Variants in GAB2 observed in about 807,000 individuals in gnomAD.
GAB2 encodes the protein GRB2 associated binding protein 2, also known as GRB2-associated-binding protein 2.
GAB2 carries 26 observed loss-of-function variants against 65.5 expected under a neutral mutation model. The observed-to-expected ratio is 0.40, with a 90% CI of 0.29 to 0.55. The LOEUF is 0.55. Ranked by LOEUF, GAB2 falls within the 20% of genes least tolerant of loss-of-function variation. The pLI is 0.53. For missense variants in GAB2, 884 were observed against 875.8 expected, an observed-to-expected ratio of 1.01 and a Z score of -0.12; for synonymous variants, 321 against 329.6, an observed-to-expected ratio of 0.97 and a Z score of 0.28.
chr11:78,246,147 G>A (rs1865291239), intron 3 of GAB2, among the ~76,000 whole-genome samples: 1 of 151,702 alleles, frequency 6.6e-6, no homozygotes, highest in Non-Finnish European at 1.5e-5. Context: ...GGCCAGGCTG[G>A]TCTCGAACTC....
Position 78,223,571 on chromosome 11 carries a change from C to T in GAB2, c.1408G>A (p.Asp470Asn). 1 of 1,613,824 alleles carries T rather than the reference C, an allele frequency of 6.2e-7. No homozygotes were observed. Among genetic ancestry groups the T allele is most frequent in the Non-Finnish European group, 8.5e-7 (1 of 1,179,884 alleles). The change falls in exon 6 of 10, where the codon GAT becomes AAT. Residue 470 changes from aspartate (D) to asparagine (N), a missense_variant. By Grantham distance (23) the Asp-to-Asn change is conservative. Coordinates refer to ENST00000361507, the MANE Select transcript of GAB2 (RefSeq NM_080491.3). ...GGGATGTAGACGCTCTGGGAATTAT[C>T]ACCTGCTCGTTCCATGGCCAACAGG... The part of the protein sequence containing the change: ...STLLAMERAG[D>N]NSQSVYIPMS...
intron 1 of GAB2, among the ~76,000 whole-genome samples, chr11:78,322,797 T>TAAAAA (rs34497179): frequency 8.5e-6 from 1 of 117,834 alleles, no homozygotes; most frequent in African/African-American, 3.1e-5. Context: ...TACTGAAAAG[T>TAAAAA]AAAAAAAAAA....
intron 1 of GAB2, among the ~76,000 whole-genome samples, chr11:78,294,013 C>G (rs559136737): frequency 6.6e-6 from 1 of 152,170 alleles, no homozygotes; most frequent in African/African-American, 2.4e-5. Flanking sequence ...GTGTGCTGCA[C>G]CCAGTAACTC....
At chr11:78,322,298 CAAAAAAAAAAAAAAAA>C (rs56709163) in intron 1 of GAB2, among the ~76,000 whole-genome samples, 1 of 12,064 alleles carries the variant, frequency 8.3e-5, no homozygotes, top group African/African-American at 2.0e-4. Flanking sequence ...GACTCTGTCT[CAAAAAAAAAAAAAAAA>C]AAAAAAAAAA....
chr11:78,339,960 A>G (rs975789655), intron 1 of GAB2, among the ~76,000 whole-genome samples: 1 of 152,202 alleles, frequency 6.6e-6, no homozygotes, highest in Non-Finnish European at 1.5e-5. Context: ...TTTATGGCAA[A>G]TGAGTGCTTT....
chr11:78,304,749 A>C (rs1353429495), intron 1 of GAB2, among the ~76,000 whole-genome samples: 1 of 152,144 alleles, frequency 6.6e-6, no homozygotes, highest in South Asian at 2.1e-4. Flanking sequence ...TAATATGAAA[A>C]AGTTTGAAAA....
chr11:78,259,907 C>A (rs115159747), intron 2 of GAB2, among the ~76,000 whole-genome samples: 1 of 152,154 alleles, frequency 6.6e-6, no homozygotes, highest in African/African-American at 2.4e-5. Context: ...GATGTACTCT[C>A]TGTAATGTGG....
chr11:78,374,442 G>A (rs1856608428), intron 1 of GAB2, among the ~76,000 whole-genome samples: 1 of 152,090 alleles, frequency 6.6e-6, no homozygotes, highest in South Asian at 2.1e-4. Flanking sequence ...AGACTTGGGG[G>A]TTACCCGGGG....
At chr11:78,325,657 C>T (rs72931639) in intron 1 of GAB2, among the ~76,000 whole-genome samples, 24,016 of 152,052 alleles carry the variant, frequency 0.16, 2,510 homozygotes, top group East Asian at 0.4. Context: ...TTCTGATGTG[C>T]CTTCTTCCTG....
At chr11:78,226,432 T>G in intron 4 of GAB2, 33 bp downstream of exon 4, 1 of 1,521,792 alleles carries the variant, frequency 6.6e-7, no homozygotes, top group Non-Finnish European at 9.1e-7. Flanking sequence ...TACCTCCTCC[T>G]CCCTCTGAGT....
intron 3 of GAB2, among the ~76,000 whole-genome samples, chr11:78,239,492 TA>T (rs1377214862): frequency 1.3e-5 from 2 of 152,186 alleles, no homozygotes; most frequent in African/African-American, 4.8e-5. Flanking sequence ...TTACTGGGAT[TA>T]CAGGCGTGAG....
Position 78,410,925 on chromosome 11 carries a change from G to C in GAB2, c.75+6721C>G, listed in dbSNP as rs1022444161. On this transcript the variant is annotated intron_variant, in intron 1 of 9. Coordinates refer to ENST00000361507, the MANE Select transcript of GAB2 (RefSeq NM_080491.3). ...GCACTCTGGGAAGCCAAGGTGGGAG[G>C]ACTGCTTAAGCTCCGGAGTGTGAGA... Among the ~76,000 whole-genome samples, 3 of 152,032 alleles carry C rather than the reference G, an allele frequency of 2.0e-5. No homozygotes were observed. In the East Asian group the frequency reaches 5.8e-4, roughly 29 times the overall value.
rs1174734992 is a variant in GAB2, at chr11:78,215,692, A to ATCTC, written c.*3576_*3579dup. 6.6e-6 allele frequency: 1 copy of ATCTC among 152,320 alleles called. No homozygotes were observed. The highest frequency in any genetic ancestry group is 1.5e-5 in the Non-Finnish European group (1 of 68,050). The allele number at this position is 152,320 out of a possible 1,614,324, so 9.4% of individuals were successfully genotyped here. A position where few individuals can be genotyped will look rare whatever the true frequency, so the allele number is the denominator to read the frequency against. On this transcript the variant is annotated 3_prime_UTR_variant, in exon 10 of 10. Coordinates refer to ENST00000361507, the MANE Select transcript of GAB2 (RefSeq NM_080491.3). ...CACCATAAATCACATGACAGCCTGGATCTCTTGGGGACCCCCTCGGCAGGT... is the reference window on the plus strand; with the variant it reads ...CACCATAAATCACATGACAGCCTGGATCTCTCTCTTGGGGACCCCCTCGGCAGGT...
intron 1 of GAB2, among the ~76,000 whole-genome samples, chr11:78,302,989 C>T (rs1867073778): frequency 6.6e-6 from 1 of 152,104 alleles, no homozygotes; most frequent in Non-Finnish European, 1.5e-5. Flanking sequence ...GGGAGCTAAG[C>T]TATGAGGATG....
chr11:78,411,688 G>A (rs1857130809), intron 1 of GAB2, among the ~76,000 whole-genome samples: 1 of 152,008 alleles, frequency 6.6e-6, no homozygotes, highest in African/African-American at 2.4e-5. Context: ...AACTCACAGT[G>A]GATCACGGAC....
intron 1 of GAB2, among the ~76,000 whole-genome samples, chr11:78,339,024 G>C (rs2134688461): frequency 6.6e-6 from 1 of 152,116 alleles, no homozygotes; most frequent in African/African-American, 2.4e-5. Flanking sequence ...CCAGGTTCAA[G>C]CAATTTTTGT....
rs1852819293 is a variant in GAB2, at chr11:78,216,087, T to C, written c.*3185A>G. On this transcript the variant is annotated 3_prime_UTR_variant, in exon 10 of 10. Coordinates refer to ENST00000361507, the MANE Select transcript of GAB2 (RefSeq NM_080491.3). ...CAGAAAGAAGTTACAGAGGAGGGAG[T>C]CTCCCCTTCAAGCAGCTGAGCACCA... The C allele has an allele frequency of 6.6e-6, 1 of 151,952 alleles. No homozygotes were observed. Among genetic ancestry groups the C allele is most frequent in the South Asian group, 2.1e-4 (1 of 4,782 alleles). 9.4% of individuals were successfully genotyped at this position (151,952 alleles called of 1,614,324 possible). A position where few individuals can be genotyped will look rare whatever the true frequency, so the allele number is the denominator to read the frequency against.
intron 1 of GAB2, among the ~76,000 whole-genome samples, chr11:78,309,407 C>T (rs900869301): frequency 2.8e-4 from 42 of 152,074 alleles, no homozygotes; most frequent in African/African-American, 9.9e-4. Flanking sequence ...GTCCCCCTCC[C>T]CAGCCTTCAT....
chr11:78,417,582 C>T, intron 1 of GAB2, 64 bp downstream of exon 1: 1 of 918,834 alleles, frequency 1.1e-6, no homozygotes, highest in Non-Finnish European at 1.4e-6. Flanking sequence ...CCGGGAGTCC[C>T]CCGCCCCTCC....
Sources: allele counts gnomAD v4.1 joint callset (sites outside exome capture counted in the v4.1 genomes callset), GRCh38; gene constraint gnomAD v4.1.1; transcripts MANE v1.5; gene names NCBI Gene and HGNC (gene_info 2026-07-23, HGNC 2026-07-21).